Variants in TSKS observed in about 807,000 individuals in gnomAD.
The protein encoded by TSKS is testis specific serine kinase substrate.
A neutral mutation model predicts 68.0 loss-of-function variants in TSKS; 27 were observed. The ratio of observed to expected loss-of-function variants is 0.40; its 90% CI spans 0.29 to 0.55. TSKS has a LOEUF of 0.55. Ranked by LOEUF, TSKS falls within the 20% of genes least tolerant of loss-of-function variation. TSKS has a pLI of 0.53. For missense variants in TSKS, 806 were observed against 776.0 expected (o/e 1.04, Z -0.46); for synonymous variants, 331 against 340.4 (o/e 0.97, Z 0.30).
At chr19:49,743,763 G>C (rs1359002187) in intron 8 of TSKS, among the ~76,000 whole-genome samples, 1 of 151,976 alleles carries the variant, frequency 6.6e-6, no homozygotes, top group East Asian at 1.9e-4. Context: ...GCCTCCCAAA[G>C]TGCTGGGATT....
chr19:49,751,899 CAAAAAAAAAA>C (rs61310693), intron 2 of TSKS, among the ~76,000 whole-genome samples: 1 of 41,680 alleles, frequency 2.4e-5, no homozygotes, highest in South Asian at 9.3e-4. Flanking sequence ...CCCAACTCTA[CAAAAAAAAAA>C]AAAAAAAAAA....
intron 9 of TSKS, among the ~76,000 whole-genome samples, chr19:49,741,028 A>G (rs189295007): frequency 3.3e-5 from 5 of 152,232 alleles, no homozygotes; most frequent in African/African-American, 1.2e-4. Flanking sequence ...AACACAAAAA[A>G]TTAGCCAGGT....
chr19:49,750,170 G>A (rs77280277), intron 2 of TSKS, among the ~76,000 whole-genome samples: 7,706 of 152,014 alleles, frequency 0.051, 287 homozygotes, highest in Admixed American at 0.13. Flanking sequence ...CTTTCAGGGT[G>A]AGACATTACA....
intron 2 of TSKS, among the ~76,000 whole-genome samples, chr19:49,755,395 C>T (rs1485612519): frequency 6.6e-6 from 1 of 152,134 alleles, no homozygotes; most frequent in Non-Finnish European, 1.5e-5. Flanking sequence ...GCCAAATGAA[C>T]TCCAAATAGG....
chr19:49,752,110 G>A lies in TSKS; in HGVS notation c.400-3641C>T, dbSNP rs115983508. The stretch of plus-strand genomic sequence containing the variant: ...AAAAAATGTAACTCCCAGGCTGAGC[G>A]TGGTGGTTCACACCTGTAATCCCAG... On this transcript the variant is annotated intron_variant, in intron 2 of 10. Coordinates refer to ENST00000246801, the MANE Select transcript of TSKS (RefSeq NM_021733.2). Among the ~76,000 whole-genome samples the A allele has an allele frequency of 7.3e-3, 1,107 of 151,178 alleles. 13 individuals are homozygous for A. Among genetic ancestry groups the A allele is most frequent in the African/African-American group, 0.025 (1,029 of 41,182 alleles).
chr19:49,740,230 G>C (rs1167995082), intron 9 of TSKS, 47 bp from the exon 10 acceptor site: 2 of 1,576,808 alleles, frequency 1.3e-6, no homozygotes, highest in Non-Finnish European at 1.7e-6. Flanking sequence ...GACTGGGCTG[G>C]GGGTGGAGGG....
In TSKS at chr19:49,746,539, C is replaced by T. The variant is rs1301456346; in HGVS notation, c.923G>A (p.Arg308Gln). The change falls in exon 6 of 11, where the codon CGG becomes CAG. Residue 308 changes from arginine (R) to glutamine (Q), a missense_variant. Transcript: ENST00000246801. ...LVPAGWGMGPRAGEGPYVSEQ... is the reference protein window; with the variant it reads ...LVPAGWGMGPQAGEGPYVSEQ... ...GCTCACGTAGGGGCCCTCGCCAGCC[C>T]GAGGCCCCATTCCCCAGCCTGCGGG... 2.5e-6 allele frequency: 4 copies of T among 1,613,686 alleles called. No individual in the cohort carries two copies. The highest frequency in any genetic ancestry group is 1.3e-5 in the African/African-American group (1 of 75,068).
chr19:49,743,496 T>C (rs1259850201), intron 8 of TSKS, among the ~76,000 whole-genome samples: 2 of 136,294 alleles, frequency 1.5e-5, no homozygotes, highest in African/African-American at 5.5e-5. Flanking sequence ...TGAATTTCTT[T>C]TTTTTTTTTT....
chr19:49,743,395 TTTTA>T (rs1321686977), intron 8 of TSKS, among the ~76,000 whole-genome samples: 3 of 151,568 alleles, frequency 2.0e-5, no homozygotes, highest in African/African-American at 7.3e-5. Context: ...TTTATTTTTA[TTTTA>T]TTGAGACACA....
At chr19:49,757,094 T>C (rs984539571) in intron 2 of TSKS, among the ~76,000 whole-genome samples, 1 of 152,184 alleles carries the variant, frequency 6.6e-6, no homozygotes, top group Admixed American at 6.6e-5. Flanking sequence ...ATTGATGATA[T>C]GTGAGGTAAG....
chr19:49,761,833 T>A (rs2084443166), intron 2 of TSKS, among the ~76,000 whole-genome samples, 171 bp downstream of exon 2: 1 of 152,042 alleles, frequency 6.6e-6, no homozygotes, highest in Admixed American at 6.6e-5. Context: ...CCCAGATTCA[T>A]GGCTGGCTGT....
chr19:49,749,617 T>A (rs370506988), intron 2 of TSKS, among the ~76,000 whole-genome samples: 2 of 151,754 alleles, frequency 1.3e-5, no homozygotes, highest in African/African-American at 4.8e-5. Flanking sequence ...AGTCAATTTA[T>A]TTTTGGGGGA....
rs747379505 is a variant in TSKS at position 49,739,820 on chromosome 19, C to T, written c.1735G>A (p.Ala579Thr). 6 of 1,605,784 alleles carry T rather than the reference C, an allele frequency of 3.7e-6. No homozygotes were observed. Among genetic ancestry groups the T allele is most frequent in the African/African-American group, 2.7e-5 (2 of 74,740 alleles). The change falls in exon 11 of 11, where the codon GCA (alanine) becomes ACA (threonine). Residue 579 changes from alanine to threonine, a missense_variant. Physicochemically the swap from Ala to Thr is moderately conservative, Grantham distance 58 (BLOSUM62 0). Coordinates refer to ENST00000246801, the MANE Select transcript of TSKS (RefSeq NM_021733.2). ...STGTMGGGSS[A>T]GTPPKQGGSA... The stretch of plus-strand genomic sequence containing the variant: ...CCCCCCTGTTTTGGGGGGGTTCCTG[C>T]ACTGCTGCCTCCCCCCATTGTTCCC...
intron 9 of TSKS, among the ~76,000 whole-genome samples, chr19:49,741,438 T>C (rs2084251385): frequency 6.6e-6 from 1 of 152,156 alleles, no homozygotes; most frequent in Non-Finnish European, 1.5e-5. Context: ...CAGGAAGAGC[T>C]GTGGTTCCAT....
chr19:49,740,219 G>A (rs946587469), intron 9 of TSKS, 36 bp from the exon 10 acceptor site: 1 of 1,592,148 alleles, frequency 6.3e-7, no homozygotes, highest in African/African-American at 1.3e-5. Flanking sequence ...TGGGCTTGCT[G>A]GACTGGGCTG....
chr19:49,747,997 C>T (rs1013104869), intron 4 of TSKS, 88 bp downstream of exon 4: 6 of 1,299,918 alleles, frequency 4.6e-6, no homozygotes, highest in South Asian at 1.2e-5. Flanking sequence ...ATGTGAGCCA[C>T]TGCACCCAGC....
At chr19:49,755,876 C>T (rs2084388505) in intron 2 of TSKS, among the ~76,000 whole-genome samples, 1 of 152,012 alleles carries the variant, frequency 6.6e-6, no homozygotes, top group Non-Finnish European at 1.5e-5. Flanking sequence ...TGGTAGGCAC[C>T]TGTAGTCCCA....
chr19:49,759,950 C>T (rs1358193284), intron 2 of TSKS, among the ~76,000 whole-genome samples: 3 of 150,870 alleles, frequency 2.0e-5, no homozygotes, highest in Admixed American at 6.6e-5. Flanking sequence ...GTCAGGAGTT[C>T]GAGACCAGCC....
intron 2 of TSKS, 76 bp from the exon 3 acceptor site, chr19:49,748,545 T>C (rs939833517): frequency 2.8e-6 from 4 of 1,406,508 alleles, no homozygotes; most frequent in Non-Finnish European, 4.0e-6. Flanking sequence ...ATTCCAGAAC[T>C]GGGAGGCTGT....
Sources: gnomAD v4.1 joint callset for allele counts (sites outside exome capture counted in the v4.1 genomes callset) on GRCh38, gnomAD v4.1.1 for gene constraint, MANE v1.5 for transcripts, NCBI Gene and HGNC (gene_info 2026-07-23, HGNC 2026-07-21) for gene names.